Variants in BAX observed in about 807,000 individuals in gnomAD.
BAX encodes apoptosis regulator BAX.
BAX carries 21 observed loss-of-function variants against 26.8 expected under a neutral mutation model. The observed-to-expected ratio is 0.78, with a 90% CI of 0.56 to 1.13. The LOEUF (loss-of-function observed/expected upper bound fraction) is 1.13. BAX is among the 50% of genes most tolerant of loss of function. BAX has a pLI of 0.00. For missense variants in BAX, 236 were observed against 254.6 expected (o/e 0.93, Z 0.50); for synonymous variants, 110 against 101.8 (o/e 1.08, Z -0.49).
At chr19:48,961,306 C>A (rs979675067) in intron 5 of BAX, 5 of 1,386,514 alleles carry the variant, frequency 3.6e-6, no homozygotes, top group Non-Finnish European at 4.7e-6. Flanking sequence ...AGGTTGGTCT[C>A]GAACTCCTGG....
Position 48,960,888 on chromosome 19 carries a change from G to A in BAX, c.448G>A (p.Gly150Ser). 1.2e-6 allele frequency: 2 copies of A among 1,614,048 alleles called. No homozygotes were observed. The highest frequency in any genetic ancestry group is 1.7e-6 in the Non-Finnish European group (2 of 1,180,002). Residue 150 changes from glycine to serine, a missense_variant, in exon 5 of 6, where the codon GGC (glycine) becomes AGC (serine). Transcript: ENST00000345358. Reference protein sequence around the residue: ...TLDFLRERLLGWIQDQGGWDG... With the variant: ...TLDFLRERLLSWIQDQGGWDG... ...GGACTTCCTCCGGGAGCGGCTGTTG[G>A]GCTGGATCCAAGACCAGGGTGGTTG...
chr19:48,955,542 C>T lies in BAX; in HGVS notation c.35-6C>T. ...CAGGTACCTCTTCCCTTCCTTTCTC[C>T]TCTAGGGCCCACCAGCTCTGAGCAG... is the stretch of plus-strand genomic sequence containing the variant. On this transcript the variant is annotated splice_polypyrimidine_tract_variant and splice_region_variant and intron_variant, in intron 1 of 5. Coordinates refer to ENST00000345358, the MANE Select transcript of BAX (RefSeq NM_138761.4). The T allele has an allele frequency of 6.2e-7, 1 of 1,612,248 alleles. No homozygotes were observed. Among genetic ancestry groups the T allele is most frequent in the Non-Finnish European group, 8.5e-7 (1 of 1,179,092 alleles).
At position 48,956,187 on chromosome 19, in the gene BAX, C is replaced by T. The variant is rs1177506525; in HGVS notation, c.234-11C>T. 1 of 1,510,200 alleles carries T rather than the reference C, an allele frequency of 6.6e-7. No homozygotes were observed. Among genetic ancestry groups the T allele is most frequent in the South Asian group, 1.3e-5 (1 of 78,022 alleles). 93.5% of individuals were successfully genotyped at this position (1,510,200 alleles called of 1,614,324 possible). A position where few individuals can be genotyped will look rare whatever the true frequency, so the allele number is the denominator to read the frequency against. On this transcript the variant is annotated splice_polypyrimidine_tract_variant and intron_variant, in intron 3 of 5. Coordinates refer to ENST00000345358, the MANE Select transcript of BAX (RefSeq NM_138761.4). ...CCTGCTCCCCGGCACTGGTTCTCCT[C>T]TCTCCTGCAGGATGATTGCCGCCGT...
intron 4 of BAX, among the ~76,000 whole-genome samples, chr19:48,959,333 G>C (rs1286807794): frequency 8.7e-6 from 1 of 114,728 alleles, no homozygotes; most frequent in Non-Finnish European, 1.7e-5. Flanking sequence ...TGGAGCGACA[G>C]AGTGAGACTC....
chr19:48,956,758 C>T (rs147960633), intron 4 of BAX, among the ~76,000 whole-genome samples: 4 of 145,510 alleles, frequency 2.7e-5, no homozygotes, highest in Non-Finnish European at 6.0e-5. Context: ...CAGGTTCAAG[C>T]GATTCTCCTG....
chr19:48,959,127 G>C (rs1307695063), intron 4 of BAX, among the ~76,000 whole-genome samples: 5 of 151,388 alleles, frequency 3.3e-5, no homozygotes, highest in Non-Finnish European at 7.4e-5. Context: ...GAGGCAGGGG[G>C]ATCATGAGGT....
intron 5 of BAX, 140 bp downstream of exon 5, chr19:48,961,054 G>C (rs764165341): frequency 2.5e-6 from 4 of 1,610,022 alleles, no homozygotes; most frequent in Admixed American, 1.7e-5. Flanking sequence ...CCCATCTTCA[G>C]ATCATCAGAT....
At chr19:48,955,052 T>G in intron 1 of BAX, 90 bp downstream of exon 1, 1 of 1,224,772 alleles carries the variant, frequency 8.2e-7, no homozygotes, top group Non-Finnish European at 1.0e-6. Context: ...CTGTGCGATC[T>G]CCAAGCACTG....
At chr19:48,956,110 CCTT>C (rs1382123615) in intron 3 of BAX, 85 bp from the exon 4 acceptor site, 1 of 1,421,854 alleles carries the variant, frequency 7.0e-7, no homozygotes, top group Non-Finnish European at 9.3e-7. Flanking sequence ...GGCTCAGTCT[CCTT>C]ATCTTTAGTG....
chr19:48,957,081 C>G (rs2038165578), intron 4 of BAX, among the ~76,000 whole-genome samples: 1 of 150,196 alleles, frequency 6.7e-6, no homozygotes, highest in Non-Finnish European at 1.5e-5. Context: ...GAAGAGGCAT[C>G]TGGTAGAGGG....
chr19:48,960,816 T>A lies in BAX; in HGVS notation c.376T>A (p.Cys126Ser). Residue 126 changes from cysteine (C) to serine (S), a missense_variant, in exon 5 of 6, where the codon TGC becomes AGC. Coordinates refer to ENST00000345358, the MANE Select transcript of BAX (RefSeq NM_138761.4). ...CCCACTCCACTCCCCACAGGCCCTG[T>A]GCACCAAGGTGCCGGAACTGATCAG... ...FASKLVLKAL[C>S]TKVPELIRTI... The A allele has an allele frequency of 6.2e-7, 1 of 1,610,500 alleles. No homozygotes were observed. The highest frequency in any genetic ancestry group is 8.5e-7 in the Non-Finnish European group (1 of 1,177,214).
chr19:48,955,459 T>G (rs1337772278), intron 1 of BAX, 89 bp from the exon 2 acceptor site: 1 of 1,449,354 alleles, frequency 6.9e-7, no homozygotes, highest in Non-Finnish European at 9.3e-7. Context: ...CCCAGCTCTG[T>G]CCTCCCTCAG....
At chr19:48,956,160 T>A in intron 3 of BAX, 38 bp from the exon 4 acceptor site, 1 of 1,482,954 alleles carries the variant, frequency 6.7e-7, no homozygotes, top group Non-Finnish European at 9.0e-7. Context: ...ATCAGCCTGA[T>A]GCCTGCTCCC....
intron 1 of BAX, chr19:48,955,302 G>A (rs569209951): frequency 2.8e-4 from 128 of 456,552 alleles, no homozygotes; most frequent in African/African-American, 2.4e-3. Flanking sequence ...CAGGCCAGGG[G>A]TCTGGATGCA....
At chr19:48,955,402 G>A in intron 1 of BAX, 146 bp from the exon 2 acceptor site, 1 of 876,942 alleles carries the variant, frequency 1.1e-6, no homozygotes, top group South Asian at 2.0e-5. Flanking sequence ...TCAGTTGTCT[G>A]GGCCCCCCCG....
chr19:48,957,872 C>A (rs1263626670), intron 4 of BAX, among the ~76,000 whole-genome samples: 1 of 151,972 alleles, frequency 6.6e-6, no homozygotes, highest in Non-Finnish European at 1.5e-5. Context: ...TTATAGGTGG[C>A]GGCTATATGG....
At chr19:48,960,755 T>C in intron 4 of BAX, 55 bp from the exon 5 acceptor site, 9 of 1,429,530 alleles carry the variant, frequency 6.3e-6, no homozygotes, top group Non-Finnish European at 8.7e-6. Flanking sequence ...GGGGCCACTA[T>C]CTCCAGGCAG....
chr19:48,955,761 C>T lies in BAX; in HGVS notation c.161C>T (p.Ala54Val), dbSNP rs753272713. 3.7e-6 allele frequency: 6 copies of T among 1,613,280 alleles called. No individual in the cohort carries two copies. The highest frequency in any genetic ancestry group is 4.5e-5 in the East Asian group (2 of 44,868). ...ELALDPVPQD[A>V]STKKLSECLK... ...GCCCTGGACCCGGTGCCTCAGGATGCGTCCACCAAGAAGCTGAGCGAGTGT... is the reference window on the plus strand; with the variant it reads ...GCCCTGGACCCGGTGCCTCAGGATGTGTCCACCAAGAAGCTGAGCGAGTGT... The change falls in exon 3 of 6, where the codon GCG becomes GTG. Residue 54 changes from alanine to valine, a missense_variant. Coordinates refer to ENST00000345358, the MANE Select transcript of BAX (RefSeq NM_138761.4).
At chr19:48,957,828 G>C (rs2038198608) in intron 4 of BAX, among the ~76,000 whole-genome samples, 1 of 152,206 alleles carries the variant, frequency 6.6e-6, no homozygotes. Flanking sequence ...GTTGGGGACT[G>C]TCTGTATAGC....
Sources: allele counts gnomAD v4.1 joint callset (sites outside exome capture counted in the v4.1 genomes callset), GRCh38; gene constraint gnomAD v4.1.1; transcripts MANE v1.5; gene names NCBI Gene and HGNC (gene_info 2026-07-23, HGNC 2026-07-21).